Variants in HNF4G observed in about 807,000 individuals in gnomAD.
The protein encoded by HNF4G is hepatocyte nuclear factor 4-gamma.
HNF4G carries 21 observed loss-of-function variants against 50.9 expected under a neutral mutation model. The ratio of observed to expected loss-of-function variants is 0.41; its 90% CI spans 0.29 to 0.59. The LOEUF is 0.59. Among genes scored for constraint, HNF4G ranks in the 20% least tolerant of loss-of-function variants. HNF4G has a pLI of 0.26. For synonymous variants in HNF4G, 198 were observed against 185.6 expected (o/e 1.07, Z -0.54); for missense variants, 527 against 559.4 (o/e 0.94, Z 0.58).
At chr8:75,461,929 T>TA (rs1491207309) in intron 1 of HNF4G, among the ~76,000 whole-genome samples, 8 of 125,862 alleles carry the variant, frequency 6.4e-5, no homozygotes, top group South Asian at 5.1e-4. Context: ...TATATATATA[T>TA]TTTTTTAGAT....
Position 75,444,303 on chromosome 8 carries a change from G to A in HNF4G, c.-144+36141G>A, listed in dbSNP as rs1158467496. Among the ~76,000 whole-genome samples, 15 of 151,598 alleles carry A rather than the reference G, an allele frequency of 9.9e-5. No homozygotes were observed. In the South Asian group the frequency reaches 2.3e-3, roughly 23 times the overall value. Reference sequence around the variant, plus strand: ...GCGCTAAACATGGAAAGGAACAACCGGTACCAGCCGCTGCAAAATCATGCC... The same window carrying A: ...GCGCTAAACATGGAAAGGAACAACCAGTACCAGCCGCTGCAAAATCATGCC... On this transcript the variant is annotated intron_variant, in intron 1 of 10. Transcript: ENST00000354370.
intron 1 of HNF4G, among the ~76,000 whole-genome samples, chr8:75,430,175 A>G (rs547594969): frequency 7.5e-4 from 114 of 152,022 alleles, no homozygotes; most frequent in Non-Finnish European, 1.4e-3. Context: ...AATTAATTGC[A>G]TAGCTGAGTT....
chr8:75,472,458 A>G (rs892499349), intron 1 of HNF4G, among the ~76,000 whole-genome samples: 3 of 152,144 alleles, frequency 2.0e-5, no homozygotes, highest in African/African-American at 7.2e-5. Context: ...AGATGGAAAA[A>G]CTGAATTTGA....
intron 1 of HNF4G, among the ~76,000 whole-genome samples, chr8:75,420,542 G>GT (rs913821173): frequency 3.9e-5 from 6 of 152,168 alleles, no homozygotes; most frequent in Non-Finnish European, 7.3e-5. Flanking sequence ...TAGTCAAGCT[G>GT]TTTTTTATCC....
chr8:75,505,686 C>T (rs1813060835), intron 2 of HNF4G, among the ~76,000 whole-genome samples: 1 of 97,398 alleles, frequency 1.0e-5, no homozygotes, highest in African/African-American at 6.9e-5. Flanking sequence ...TGCAAGATTT[C>T]CAAAAAAAAA....
At chr8:75,424,057 G>A (rs1299093489) in intron 1 of HNF4G, among the ~76,000 whole-genome samples, 1 of 151,660 alleles carries the variant, frequency 6.6e-6, no homozygotes, top group Non-Finnish European at 1.5e-5. Context: ...TCTTGACCTC[G>A]TGATCCGCCT....
intron 2 of HNF4G, among the ~76,000 whole-genome samples, chr8:75,513,188 C>G (rs1444077387): frequency 6.6e-6 from 1 of 152,062 alleles, no homozygotes; most frequent in Admixed American, 6.6e-5. Context: ...CAGGCTCCTA[C>G]CACCACGCCC....
intron 1 of HNF4G, among the ~76,000 whole-genome samples, chr8:75,424,845 G>A (rs2980244): frequency 6.4e-4 from 97 of 151,898 alleles, no homozygotes; most frequent in African/African-American, 2.2e-3. Flanking sequence ...ATAGAGCTGC[G>A]ATGAACATAC....
chr8:75,473,447 G>C (rs1812168401), intron 1 of HNF4G, among the ~76,000 whole-genome samples: 1 of 152,150 alleles, frequency 6.6e-6, no homozygotes, highest in African/African-American at 2.4e-5. Context: ...AAAAATGTTT[G>C]AAAAATATGG....
intron 1 of HNF4G, among the ~76,000 whole-genome samples, chr8:75,458,269 G>C (rs1476247198): frequency 6.6e-6 from 1 of 151,760 alleles, no homozygotes; most frequent in Non-Finnish European, 1.5e-5. Flanking sequence ...CCCCGTCTTG[G>C]ATTAAGAATA....
chr8:75,417,908 GT>G (rs1165730956), intron 1 of HNF4G, among the ~76,000 whole-genome samples: 2 of 151,552 alleles, frequency 1.3e-5, no homozygotes, highest in Non-Finnish European at 2.9e-5. Context: ...TTTTTATCTA[GT>G]TTTGCACGAT....
intron 1 of HNF4G, among the ~76,000 whole-genome samples, chr8:75,412,429 G>A (rs1810522387): frequency 1.3e-5 from 2 of 152,118 alleles, no homozygotes; most frequent in African/African-American, 2.4e-5. Flanking sequence ...TTTAAATTAA[G>A]CATTTTGTCT....
At chr8:75,513,200 G>A (rs1805804069) in intron 2 of HNF4G, among the ~76,000 whole-genome samples, 1 of 151,936 alleles carries the variant, frequency 6.6e-6, no homozygotes, top group Middle Eastern at 3.2e-3. Flanking sequence ...ACCACGCCCA[G>A]CTAATTTTTG....
intron 1 of HNF4G, among the ~76,000 whole-genome samples, chr8:75,443,990 C>A (rs914253316): frequency 2.0e-5 from 3 of 151,982 alleles, no homozygotes; most frequent in African/African-American, 7.3e-5. Context: ...AATGAAACAA[C>A]ATAAAAGCTC....
chr8:75,425,600 A>G (rs918160521), intron 1 of HNF4G, among the ~76,000 whole-genome samples: 1 of 147,982 alleles, frequency 6.8e-6, no homozygotes, highest in African/African-American at 2.5e-5. Flanking sequence ...TATATATTAT[A>G]TATTTTTTAT....
intron 1 of HNF4G, among the ~76,000 whole-genome samples, chr8:75,451,147 G>T (rs1007657757): frequency 7.9e-5 from 12 of 151,832 alleles, no homozygotes; most frequent in African/African-American, 2.7e-4. Flanking sequence ...TTTGAGAAAT[G>T]TCTATTCTGG....
intron 2 of HNF4G, among the ~76,000 whole-genome samples, chr8:75,527,328 T>A (rs1806212021): frequency 6.6e-6 from 1 of 152,220 alleles, no homozygotes; most frequent in Non-Finnish European, 1.5e-5. Context: ...ATATATTAAA[T>A]CAGTGTCTTT....
At chr8:75,419,095 A>G (rs560842117) in intron 1 of HNF4G, among the ~76,000 whole-genome samples, 20 of 152,278 alleles carry the variant, frequency 1.3e-4, no homozygotes, top group African/African-American at 4.8e-4. Context: ...CTATTTTCCC[A>G]TCATGGCCTT....
intron 1 of HNF4G, among the ~76,000 whole-genome samples, chr8:75,458,056 C>T (rs754239217): frequency 1.2e-4 from 19 of 152,088 alleles, no homozygotes; most frequent in Non-Finnish European, 2.2e-4. Context: ...GAGATCCTTT[C>T]ACTTCCAAAG....
Sources: allele counts gnomAD v4.1 joint callset (sites outside exome capture counted in the v4.1 genomes callset), GRCh38; gene constraint gnomAD v4.1.1; transcripts MANE v1.5; gene names NCBI Gene and HGNC (gene_info 2026-07-23, HGNC 2026-07-21).